NPHP1: variants seen among roughly 807,000 people sequenced by gnomAD.
NPHP1 encodes the protein nephrocystin 1.
In NPHP1, 70 loss-of-function variants were observed where a neutral mutation model predicts 90.4. The observed-to-expected ratio is 0.77, with a 90% CI of 0.64 to 0.95. The LOEUF (loss-of-function observed/expected upper bound fraction) is 0.95. Among genes scored for constraint, NPHP1 ranks in the 40% least tolerant of loss-of-function variants. The pLI is 0.00. For missense variants in NPHP1, 764 were observed against 795.9 expected (o/e 0.96, Z 0.48); for synonymous variants, 256 against 271.7 (o/e 0.94, Z 0.57).
At chr2:110,174,386 T>G (rs888693408) in intron 4 of NPHP1, among the ~76,000 whole-genome samples, 16 of 152,204 alleles carry the variant, frequency 1.1e-4, no homozygotes, top group Non-Finnish European at 1.9e-4. Flanking sequence ...TTTGTATTAT[T>G]TTGTTAGTGA....
At chr2:110,163,259 G>T (rs1028133406) in intron 8 of NPHP1, 124 bp from the exon 9 acceptor site, 6 of 738,290 alleles carry the variant, frequency 8.1e-6, no homozygotes, top group East Asian at 2.7e-5. Flanking sequence ...TTTAGTGGAA[G>T]AATAATACGA....
chr2:110,184,376 C>A (rs200493180), intron 2 of NPHP1: 3 of 612,272 alleles, frequency 4.9e-6, no homozygotes, highest in Non-Finnish European at 9.2e-6. Context: ...AGGAGCATCT[C>A]GTGCTCCTCA....
At chr2:110,133,123 C>T (rs1456650767) in intron 16 of NPHP1, among the ~76,000 whole-genome samples, 1 of 151,824 alleles carries the variant, frequency 6.6e-6, no homozygotes, top group Non-Finnish European at 1.5e-5. Flanking sequence ...TGGCAGGATG[C>T]ACTAAAAAAA....
At chr2:110,152,987 A>G (rs1323965369) in intron 11 of NPHP1, among the ~76,000 whole-genome samples, 1 of 152,168 alleles carries the variant, frequency 6.6e-6, no homozygotes, top group East Asian at 1.9e-4. Flanking sequence ...CAAGCAGGGT[A>G]AACCAAAGAA....
At chr2:110,177,172 GATGCTC>G (rs1683563689) in intron 4 of NPHP1, among the ~76,000 whole-genome samples, 1 of 152,140 alleles carries the variant, frequency 6.6e-6, no homozygotes. Flanking sequence ...CTGCTTGGTA[GATGCTC>G]AGTGGCTTCA....
chr2:110,145,984 T>G (rs1215714177), intron 14 of NPHP1, among the ~76,000 whole-genome samples: 1 of 152,100 alleles, frequency 6.6e-6, no homozygotes, highest in Non-Finnish European at 1.5e-5. Flanking sequence ...GCCTTTGGAG[T>G]AGGAATTATT....
chr2:110,125,054 G>T, intron 19 of NPHP1: 1 of 676,678 alleles, frequency 1.5e-6, no homozygotes, highest in Non-Finnish European at 2.3e-6. Context: ...ATTGTCTGTG[G>T]CTGCTTTTGT....
intron 2 of NPHP1, chr2:110,184,492 G>C (rs1684141989): frequency 1.0e-6 from 1 of 957,884 alleles, no homozygotes; most frequent in African/African-American, 1.6e-5. Context: ...GCTGTGCTCA[G>C]CCTTTATGCC....
At position 110,126,157 on chromosome 2, in the gene NPHP1, T is replaced by C. The variant is rs188485673; in HGVS notation, c.1717-476A>G. On this transcript the variant is annotated intron_variant, in intron 18 of 19. Coordinates refer to ENST00000445609, the MANE Select transcript of NPHP1 (RefSeq NM_001128178.3). Reference sequence around the variant, plus strand: ...ATATTTCTAATCTGTCCACAGGGCTTCACAGAAATTTCCTCAAATAAATAA... The same window carrying C: ...ATATTTCTAATCTGTCCACAGGGCTCCACAGAAATTTCCTCAAATAAATAA... 1,185 of 159,834 alleles carry C rather than the reference T, an allele frequency of 7.4e-3. 9 individuals are homozygous for C. Among genetic ancestry groups the C allele is most frequent in the Non-Finnish European group, 9.8e-3 (709 of 72,538 alleles). The allele number at this position is 159,834 out of a possible 1,614,324, so 9.9% of individuals were successfully genotyped here.
intron 12 of NPHP1, 123 bp from the exon 13 acceptor site, chr2:110,148,149 A>T: frequency 1.4e-6 from 1 of 737,074 alleles, no homozygotes. Context: ...GTTGAAGGTG[A>T]GGCCTGGTGG....
Position 110,154,972 on chromosome 2 carries a change from T to A in NPHP1, c.1084-4716A>T, listed in dbSNP as rs1404435860. Among the ~76,000 whole-genome samples, 5 of 152,110 alleles carry A rather than the reference T, an allele frequency of 3.3e-5. No homozygotes were observed. The East Asian group carries it at 9.7e-4, about 29-fold the overall frequency. ...CAATGTGAAAAATGTCTCCAGAGGA[T>A]GTCAGAGGTCTTCACAGCAGCCCCT... On this transcript the variant is annotated intron_variant, in intron 11 of 19. Transcript: ENST00000445609.
At chr2:110,184,139 T>C in intron 2 of NPHP1, 3 of 554,546 alleles carry the variant, frequency 5.4e-6, no homozygotes, top group Non-Finnish European at 1.1e-5. Flanking sequence ...TTGCTGGTGA[T>C]CAGATCCACA....
chr2:110,194,701 C>CA (rs909362857), intron 2 of NPHP1, among the ~76,000 whole-genome samples: 10 of 152,036 alleles, frequency 6.6e-5, no homozygotes, highest in African/African-American at 1.9e-4. Flanking sequence ...AGAGACACAA[C>CA]AAAAAAAGAG....
chr2:110,195,277 A>G (rs1327554234), intron 2 of NPHP1, among the ~76,000 whole-genome samples: 4 of 152,174 alleles, frequency 2.6e-5, no homozygotes, highest in African/African-American at 7.2e-5. Flanking sequence ...TCAGCCTATA[A>G]TCTCCTTAAG....
intron 2 of NPHP1, among the ~76,000 whole-genome samples, chr2:110,189,760 C>T (rs1684567128): frequency 6.6e-6 from 1 of 152,098 alleles, no homozygotes; most frequent in South Asian, 2.1e-4. Context: ...CACAAAGGTT[C>T]TCCAGGTCCC....
chr2:110,196,990 A>G (rs1685214932), intron 2 of NPHP1, among the ~76,000 whole-genome samples: 1 of 152,170 alleles, frequency 6.6e-6, no homozygotes, highest in African/African-American at 2.4e-5. Context: ...GGACATGGTT[A>G]CAGTTGGAAG....
chr2:110,161,326 T>C (rs993904630), intron 10 of NPHP1, among the ~76,000 whole-genome samples: 1 of 152,184 alleles, frequency 6.6e-6, no homozygotes, highest in African/African-American at 2.4e-5. Flanking sequence ...TCTTTACAGA[T>C]GAAGAAATTG....
At chr2:110,132,618 C>T (rs1299209167) in intron 16 of NPHP1, among the ~76,000 whole-genome samples, 2 of 152,122 alleles carry the variant, frequency 1.3e-5, no homozygotes, top group Non-Finnish European at 2.9e-5. Context: ...TGTGCCACTG[C>T]ACTCCAACCT....
chr2:110,164,514 T>C (rs1178499321), intron 8 of NPHP1, 174 bp downstream of exon 8: 2 of 1,292,772 alleles, frequency 1.5e-6, no homozygotes, highest in Non-Finnish European at 2.2e-6. Flanking sequence ...TAATGAGAAA[T>C]GTTACTTGGA....
Sources: gnomAD v4.1 joint callset for allele counts (sites outside exome capture counted in the v4.1 genomes callset) on GRCh38, gnomAD v4.1.1 for gene constraint, MANE v1.5 for transcripts, NCBI Gene and HGNC (gene_info 2026-07-23, HGNC 2026-07-21) for gene names.